CNOT11: variants seen among roughly 807,000 people sequenced by gnomAD.
CNOT11 encodes UPF0760 protein C2orf29.
CNOT11 carries 18 observed loss-of-function variants against 44.6 expected under a neutral mutation model. The ratio of observed to expected loss-of-function variants is 0.40; its 90% CI spans 0.28 to 0.60. CNOT11 has a LOEUF of 0.60. CNOT11 is among the 20% of genes least tolerant of loss of function. CNOT11 has a pLI of 0.38. For missense variants in CNOT11, 513 were observed against 677.0 expected (o/e 0.76, Z 2.69); for synonymous variants, 291 against 270.9 (o/e 1.07, Z -0.73).
chr2:101,266,899 C>T lies in CNOT11; in HGVS notation c.1238+20C>T. The T allele has an allele frequency of 1.3e-6, 2 of 1,575,080 alleles. No homozygotes were observed. Among genetic ancestry groups the T allele is most frequent in the Non-Finnish European group, 1.7e-6 (2 of 1,145,138 alleles). On this transcript the variant is annotated intron_variant, in intron 5 of 6. Transcript: ENST00000289382. ...AAATCGGTAAGTTTCTAGATTTGAT[C>T]AAATGTGTGGGGATAGATACAGATT...
chr2:101,264,724 G>C (rs1681940453), intron 3 of CNOT11, 121 bp from the exon 4 acceptor site: 1 of 737,256 alleles, frequency 1.4e-6, no homozygotes, highest in Non-Finnish European at 2.3e-6. Context: ...TGAAGTATGA[G>C]AGTTCTAGTC....
At chr2:101,264,276 G>A (rs1681928310) in intron 3 of CNOT11, among the ~76,000 whole-genome samples, 1 of 152,188 alleles carries the variant, frequency 6.6e-6, no homozygotes. Context: ...ATTGTTTTCT[G>A]AAAATGAATA....
chr2:101,269,204 T>C lies in CNOT11; in HGVS notation c.1336-12T>C. 1 of 1,605,962 alleles carries C rather than the reference T, an allele frequency of 6.2e-7. No homozygotes were observed. Among genetic ancestry groups the C allele is most frequent in the Non-Finnish European group, 8.5e-7 (1 of 1,176,644 alleles). ...AATGAGCAGACTAACATTTTTTTTT[T>C]TCCTTTTTCAGAATCGGTTGGTGCG... On this transcript the variant is annotated splice_polypyrimidine_tract_variant and intron_variant, in intron 6 of 6. Coordinates refer to ENST00000289382, the MANE Select transcript of CNOT11 (RefSeq NM_017546.5). This position sits in a 1 kb window ranked among gnomAD's most constrained non-coding sequence, Gnocchi z 4.8.
intron 1 of CNOT11, among the ~76,000 whole-genome samples, chr2:101,257,389 A>C (rs998612631): frequency 6.7e-6 from 1 of 148,440 alleles, no homozygotes; most frequent in Non-Finnish European, 1.5e-5. Flanking sequence ...GTGAGACTTC[A>C]TCTCAAAAAA....
chr2:101,266,676 G>C lies in CNOT11; in HGVS notation c.1036-1G>C. The C allele has an allele frequency of 6.2e-7, 1 of 1,612,342 alleles. No homozygotes were observed. The highest frequency in any genetic ancestry group is 8.5e-7 in the Non-Finnish European group (1 of 1,178,524). On this transcript the variant is annotated splice_acceptor_variant, in intron 4 of 6. Coordinates refer to ENST00000289382, the MANE Select transcript of CNOT11 (RefSeq NM_017546.5). LOFTEE classifies it high-confidence loss of function. ...TCTCTTTAAAAATCTGGTGTATTTA[G>C]CTACTTGGTGAGTTGGAAAAAGACC... is the stretch of plus-strand genomic sequence containing the variant.
chr2:101,258,391 A>G (rs569864677), intron 2 of CNOT11, among the ~76,000 whole-genome samples: 1 of 139,738 alleles, frequency 7.2e-6, no homozygotes, highest in Admixed American at 7.3e-5. Context: ...GTGAGACTCC[A>G]TCTCAATAAA....
In CNOT11 at chr2:101,269,076, T is replaced by C; in HGVS notation, c.1275T>C (p.Ile425=). The change falls in exon 6 of 7, where the codon ATT becomes ATC. Residue 425 remains isoleucine (I), a synonymous_variant. Coordinates refer to ENST00000289382, the MANE Select transcript of CNOT11 (RefSeq NM_017546.5). The surrounding 1 kb of genome is among the most constrained non-coding windows in gnomAD (Gnocchi z 4.8). ...TTAVDLPPEF[I]HLYISNCIST... The stretch of plus-strand genomic sequence containing the variant: ...CTGTTGATCTACCTCCTGAATTTAT[T>C]CACCTTTATATATCAAATTGCATCT... 1 of 1,609,898 alleles carries C rather than the reference T, an allele frequency of 6.2e-7. No homozygotes were observed. Among genetic ancestry groups the C allele is most frequent in the African/African-American group, 1.3e-5 (1 of 74,884 alleles).
intron 4 of CNOT11, 84 bp downstream of exon 4, chr2:101,265,131 C>T (rs929332755): frequency 4.2e-6 from 4 of 961,148 alleles, no homozygotes; most frequent in African/African-American, 1.7e-5. Flanking sequence ...GACAGAGTCT[C>T]ACTCGGCTGC....
intron 4 of CNOT11, among the ~76,000 whole-genome samples, chr2:101,265,969 C>T (rs1008737656): frequency 2.0e-5 from 3 of 152,112 alleles, no homozygotes; most frequent in Non-Finnish European, 4.4e-5. Context: ...ATTTTCAAAA[C>T]GAAATAATAG....
At chr2:101,262,834 G>A in intron 3 of CNOT11, 143 bp downstream of exon 3, 2 of 670,312 alleles carry the variant, frequency 3.0e-6, no homozygotes, top group Non-Finnish European at 5.1e-6. Flanking sequence ...TGTAGTGAGT[G>A]TCTAGAACAT....
At chr2:101,262,717 C>G in intron 3 of CNOT11, 26 bp downstream of exon 3, 1 of 1,585,274 alleles carries the variant, frequency 6.3e-7, no homozygotes, top group Non-Finnish European at 8.6e-7. Flanking sequence ...TTAATTTATA[C>G]TCTTTGTTTT....
chr2:101,258,495 T>G (rs1439213039), intron 2 of CNOT11, among the ~76,000 whole-genome samples: 1 of 152,078 alleles, frequency 6.6e-6, no homozygotes, highest in Non-Finnish European at 1.5e-5. Context: ...GAGTTTTCAC[T>G]TGAATTGATT....
intron 2 of CNOT11, among the ~76,000 whole-genome samples, chr2:101,261,844 CTTTTTTTTTT>C (rs3044629): frequency 3.1e-4 from 35 of 111,868 alleles, no homozygotes; most frequent in African/African-American, 1.1e-3. Flanking sequence ...TTCTTTCTTT[CTTTTTTTTTT>C]TTTTTTTTTT....
Position 101,257,891 on chromosome 2 carries a change from A to C in CNOT11, c.615A>C (p.Ala205=). The change falls in exon 2 of 7, where the codon GCA becomes GCC. Residue 205 remains alanine (A), a synonymous_variant. Transcript: ENST00000289382. The stretch of plus-strand genomic sequence containing the variant: ...TCAAAAAGACGCCTCGCCAGATTGC[A>C]CTGATGGACGTTGGAAACATGGGCC... ...ELFKKTPRQI[A]LMDVGNMGQS... is the part of the protein sequence containing the mutation. The C allele has an allele frequency of 1.2e-6, 2 of 1,614,156 alleles. No homozygotes were observed. The highest frequency in any genetic ancestry group is 1.7e-6 in the Non-Finnish European group (2 of 1,180,008).
intron 1 of CNOT11, among the ~76,000 whole-genome samples, chr2:101,256,136 CAA>C (rs34000200): frequency 7.2e-6 from 1 of 138,584 alleles, no homozygotes; most frequent in Non-Finnish European, 1.6e-5. Context: ...GAGACTGCCT[CAA>C]AAAAAAAAAA....
At chr2:101,257,240 A>G (rs560767136) in intron 1 of CNOT11, among the ~76,000 whole-genome samples, 19 of 151,734 alleles carry the variant, frequency 1.3e-4, no homozygotes, top group Middle Eastern at 3.4e-3. Context: ...TAAAAATACA[A>G]ACATTAGCTG....
intron 2 of CNOT11, among the ~76,000 whole-genome samples, chr2:101,260,868 C>G (rs796880436): frequency 6.0e-5 from 9 of 149,796 alleles, no homozygotes; most frequent in African/African-American, 2.2e-4. Flanking sequence ...TGTTATCTAA[C>G]TTTTTGTACT....
At chr2:101,255,622 A>G (rs1681721622) in intron 1 of CNOT11, among the ~76,000 whole-genome samples, 1 of 152,136 alleles carries the variant, frequency 6.6e-6, no homozygotes, top group African/African-American at 2.4e-5. Flanking sequence ...AGCTGCTGAT[A>G]TTGTATGTTT....
At position 101,262,606 on chromosome 2, in the gene CNOT11, G is replaced by A. The variant is rs144169604; in HGVS notation, c.747G>A (p.Pro249=). Reference sequence around the variant, plus strand: ...CCAGTATTCTCAGTGACCCAGACCCGGATTCTTCTAATTCTGGATTTGACA... The same window carrying A: ...CCAGTATTCTCAGTGACCCAGACCCAGATTCTTCTAATTCTGGATTTGACA... ...SFPSILSDPD[P]DSSNSGFDSS... The change falls in exon 3 of 7, where the codon CCG becomes CCA. Residue 249 remains proline, a synonymous_variant. Transcript: ENST00000289382. The A allele has an allele frequency of 4.2e-5, 67 of 1,614,018 alleles. No homozygotes were observed. The East Asian group carries it at 8.0e-4, about 19-fold the overall frequency.
Sources: allele counts gnomAD v4.1 joint callset (sites outside exome capture counted in the v4.1 genomes callset), GRCh38; gene constraint gnomAD v4.1.1; non-coding constraint Gnocchi (gnomAD v3.1); transcripts MANE v1.5; gene names NCBI Gene and HGNC (gene_info 2026-07-23, HGNC 2026-07-21).